CNTNAP2: variants seen among roughly 807,000 people sequenced by gnomAD.
CNTNAP2 encodes contactin-associated protein-like 2.
Under a neutral mutation model 155.2 loss-of-function variants are expected in CNTNAP2, and 98 were observed. The observed-to-expected ratio is 0.63, with a 90% CI of 0.54 to 0.75. The LOEUF is 0.75. Among genes scored for constraint, CNTNAP2 ranks in the 30% least tolerant of loss-of-function variants. The pLI is 0.00. For missense variants in CNTNAP2, 1,727 were observed against 1,688.1 expected, an observed-to-expected ratio of 1.02 and a Z score of -0.40; for synonymous variants, 651 against 631.2, an observed-to-expected ratio of 1.03 and a Z score of -0.47.
chr7:147,158,328 TG>T (rs1412810536), intron 8 of CNTNAP2, among the ~76,000 whole-genome samples: 3 of 152,092 alleles, frequency 2.0e-5, no homozygotes, highest in Non-Finnish European at 4.4e-5. Context: ...ACACCTTTAA[TG>T]TTTTTATAAA....
At chr7:147,575,390 G>GTGTC (rs1256018308) in intron 12 of CNTNAP2, among the ~76,000 whole-genome samples, 5 of 150,480 alleles carry the variant, frequency 3.3e-5, no homozygotes, top group Non-Finnish European at 7.4e-5. Context: ...GTGTGTGTGT[G>GTGTC]TGTGTGTGTG....
intron 13 of CNTNAP2, among the ~76,000 whole-genome samples, chr7:147,844,919 C>G (rs1260197484): frequency 6.9e-6 from 1 of 143,948 alleles, no homozygotes; most frequent in Admixed American, 7.4e-5. Context: ...GTATATTGAA[C>G]CAGCCTTGCA....
At chr7:147,024,157 G>A (rs1285597894) in intron 3 of CNTNAP2, among the ~76,000 whole-genome samples, 1 of 152,192 alleles carries the variant, frequency 6.6e-6, no homozygotes, top group African/African-American at 2.4e-5. Flanking sequence ...GGACACTATA[G>A]TGAGGACTAA....
At chr7:147,553,635 AG>A (rs1332446642) in intron 11 of CNTNAP2, among the ~76,000 whole-genome samples, 2 of 152,048 alleles carry the variant, frequency 1.3e-5, no homozygotes, top group African/African-American at 4.8e-5. Flanking sequence ...TTTTCTTCCT[AG>A]GGCAAGGTAT....
intron 4 of CNTNAP2, among the ~76,000 whole-genome samples, chr7:147,067,112 G>A (rs1284122802): frequency 1.3e-5 from 2 of 152,052 alleles, no homozygotes; most frequent in Admixed American, 6.6e-5. Flanking sequence ...CCAACATGGT[G>A]AAACCCCATC....
chr7:148,324,810 G>C (rs1170070267), intron 21 of CNTNAP2, among the ~76,000 whole-genome samples: 3 of 56,726 alleles, frequency 5.3e-5, no homozygotes, highest in South Asian at 9.1e-4. Context: ...AAAAAAAAGA[G>C]TAGGGATTTG....
intron 16 of CNTNAP2, among the ~76,000 whole-genome samples, chr7:148,146,486 A>C (rs35788936): frequency 0.11 from 16,890 of 152,280 alleles, 1,049 homozygotes; most frequent in East Asian, 0.24. Context: ...TTAATAAAGC[A>C]ACCACCCAAT....
chr7:148,089,405 A>G (rs73472207), intron 15 of CNTNAP2, among the ~76,000 whole-genome samples: 1 of 151,820 alleles, frequency 6.6e-6, no homozygotes, highest in Non-Finnish European at 1.5e-5. Context: ...GTAGTAAATC[A>G]TAAAGACTCC....
At chr7:147,328,675 G>C (rs1172530691) in intron 9 of CNTNAP2, among the ~76,000 whole-genome samples, 21 of 152,190 alleles carry the variant, frequency 1.4e-4, no homozygotes, top group Admixed American at 1.4e-3. Context: ...AATAGAATTG[G>C]TAGTTGGCAA....
chr7:146,517,109 C>T (rs548871095), intron 1 of CNTNAP2, among the ~76,000 whole-genome samples: 1 of 152,058 alleles, frequency 6.6e-6, no homozygotes, highest in Non-Finnish European at 1.5e-5. Flanking sequence ...CTTGCTCTGT[C>T]CCATACAGAC....
intron 12 of CNTNAP2, among the ~76,000 whole-genome samples, chr7:147,585,926 G>A (rs6464828): frequency 0.69 from 104,962 of 151,956 alleles, 36,819 homozygotes; most frequent in African/African-American, 0.81. Context: ...TGCATGATAC[G>A]GCCCTTGGGA....
At chr7:147,646,855 T>C (rs190260414) in intron 13 of CNTNAP2, among the ~76,000 whole-genome samples, 9 of 152,342 alleles carry the variant, frequency 5.9e-5, no homozygotes, top group African/African-American at 2.2e-4. Flanking sequence ...CACGTGGACT[T>C]ATTGAATAGT....
rs1273559514 is a variant in CNTNAP2 at position 146,119,490 on chromosome 7, G to A, written c.97+2517G>A. ...ATAATCTAATTTCTTTGCAGATAGCGAAAATGAACTGCTGCTGAGCTGATG... is the reference window on the plus strand; with the variant it reads ...ATAATCTAATTTCTTTGCAGATAGCAAAAATGAACTGCTGCTGAGCTGATG... On this transcript the variant is annotated intron_variant, in intron 1 of 23. Transcript: ENST00000361727. Among the ~76,000 whole-genome samples the A allele has an allele frequency of 3.9e-5, 6 of 152,072 alleles. No homozygotes were observed. In the East Asian group the frequency reaches 9.6e-4, roughly 24 times the overall value.
chr7:146,273,432 C>A (rs1371255406), intron 1 of CNTNAP2, among the ~76,000 whole-genome samples: 1 of 151,972 alleles, frequency 6.6e-6, no homozygotes, highest in African/African-American at 2.4e-5. Flanking sequence ...CTCTGTAAGC[C>A]ACACAATATA....
chr7:146,868,049 C>A (rs890968839), intron 3 of CNTNAP2, among the ~76,000 whole-genome samples: 5 of 152,144 alleles, frequency 3.3e-5, no homozygotes, highest in African/African-American at 9.6e-5. Context: ...TCAATTTTTT[C>A]TTTTCTTGCA....
At chr7:146,403,995 G>C (rs985323344) in intron 1 of CNTNAP2, among the ~76,000 whole-genome samples, 2 of 150,490 alleles carry the variant, frequency 1.3e-5, no homozygotes, top group Non-Finnish European at 3.0e-5. Flanking sequence ...CGTAGTGGCG[G>C]GCGCCTGTAG....
In CNTNAP2 at chr7:147,188,142, A is replaced by G. The variant is rs776172132; in HGVS notation, c.1348+55633A>G. ...CAAGAGGGCACTAGAAAGAGGATAC[A>G]TAATAGTAACTTTTAGAAGAGATTT... On this transcript the variant is annotated intron_variant, in intron 8 of 23. Coordinates refer to ENST00000361727, the MANE Select transcript of CNTNAP2 (RefSeq NM_014141.6). 5.3e-5 allele frequency among the ~76,000 whole-genome samples: 8 copies of G among 152,366 alleles called. 1 individual carries two copies. The South Asian group carries it at 1.4e-3, about 28-fold the overall frequency.
chr7:147,763,216 G>A (rs184132099), intron 13 of CNTNAP2, among the ~76,000 whole-genome samples: 24 of 149,722 alleles, frequency 1.6e-4, no homozygotes, highest in Non-Finnish European at 2.8e-4. Flanking sequence ...CCAAGATCAT[G>A]CCATTGCACT....
chr7:147,053,382 A>G (rs1799506155), intron 4 of CNTNAP2, among the ~76,000 whole-genome samples: 2 of 152,242 alleles, frequency 1.3e-5, no homozygotes, highest in Admixed American at 1.3e-4. Context: ...AGAAACTTAC[A>G]ATTGACTTTG....
Sources: allele counts gnomAD v4.1 joint callset (sites outside exome capture counted in the v4.1 genomes callset), GRCh38; gene constraint gnomAD v4.1.1; transcripts MANE v1.5; gene names NCBI Gene and HGNC (gene_info 2026-07-23, HGNC 2026-07-21).